The following CDADC1 variants were observed in gnomAD, a reference collection of about 807,000 sequenced individuals.
CDADC1 encodes dCTP deaminase.
In CDADC1, 39 loss-of-function variants were observed where a neutral mutation model predicts 54.9. That is an observed-to-expected ratio of 0.71 (90% CI 0.55 to 0.93). The LOEUF is 0.93. CDADC1 is among the 40% of genes least tolerant of loss of function. The pLI is 0.00. For synonymous variants in CDADC1, 186 were observed against 204.0 expected, an observed-to-expected ratio of 0.91 and a Z score of 0.75; for missense variants, 518 against 618.8, an observed-to-expected ratio of 0.84 and a Z score of 1.73.
chr13:49,271,765 A>G (rs1952970325), intron 5 of CDADC1, among the ~76,000 whole-genome samples: 1 of 152,202 alleles, frequency 6.6e-6, no homozygotes, highest in Non-Finnish European at 1.5e-5. Flanking sequence ...TCAGTGATCA[A>G]AGAGCCCCAG....
intron 8 of CDADC1, among the ~76,000 whole-genome samples, chr13:49,283,247 T>A (rs900278307): frequency 6.6e-6 from 1 of 152,166 alleles, no homozygotes; most frequent in Non-Finnish European, 1.5e-5. Flanking sequence ...GTCTGTCATG[T>A]GTATATGAAG....
chr13:49,268,419 AG>A (rs1459761499), intron 5 of CDADC1, among the ~76,000 whole-genome samples: 5 of 152,136 alleles, frequency 3.3e-5, no homozygotes, highest in African/African-American at 1.2e-4. Context: ...GCAACACTTT[AG>A]AAGGCTGAGA....
At chr13:49,278,241 A>C (rs2274150) in intron 6 of CDADC1, 109 bp from the exon 7 acceptor site, 1 of 752,020 alleles carries the variant, frequency 1.3e-6, no homozygotes, top group African/African-American at 1.8e-5. Context: ...TACTGTAGAA[A>C]ATTGAATGAA....
rs957837467 is a variant in CDADC1 at position 49,267,393 on chromosome 13, G to A, written c.431-97G>A. ...TGGTAATAGACATTTATTATATTGA[G>A]GGTTCTAGATATACTGCAATGATAG... On this transcript the variant is annotated intron_variant, in intron 4 of 9. Coordinates refer to ENST00000251108, the MANE Select transcript of CDADC1 (RefSeq NM_030911.4). 9.1e-6 allele frequency: 9 copies of A among 988,774 alleles called. No individual in the cohort carries two copies. The African/African-American group carries it at 1.2e-4, about 13-fold the overall frequency. 61.3% of individuals were successfully genotyped at this position (988,774 alleles called of 1,614,324 possible).
chr13:49,257,615 A>C (rs1160431517), intron 3 of CDADC1, among the ~76,000 whole-genome samples: 1 of 152,162 alleles, frequency 6.6e-6, no homozygotes, highest in Non-Finnish European at 1.5e-5. Context: ...CTAAAAATGC[A>C]AAAAATTAGC....
chr13:49,288,989 T>G (rs1924657), intron 9 of CDADC1, among the ~76,000 whole-genome samples: 151,844 of 152,234 alleles, frequency 1, 75,730 homozygotes, highest in Middle Eastern at 1. Flanking sequence ...GGATCTGAGA[T>G]CAGGTCTGGG....
chr13:49,256,418 C>A (rs558578140), intron 3 of CDADC1, among the ~76,000 whole-genome samples: 7 of 152,342 alleles, frequency 4.6e-5, no homozygotes, highest in African/African-American at 1.7e-4. Context: ...TGTGTCCAGG[C>A]AGCCATCTGT....
rs531568425 is a variant in CDADC1, at chr13:49,255,859, T to C, written c.198T>C (p.His66=). Residue 66 remains histidine (H), a synonymous_variant, in exon 3 of 10, where the codon CAT becomes CAC. Coordinates refer to ENST00000251108, the MANE Select transcript of CDADC1 (RefSeq NM_030911.4). The part of the protein sequence containing the change: ...QKSQKNEEGK[H]GPLGDNEERT... ...ATTAGAAAAATGAAGAGGGAAAGCA[T>C]GGACCCTTAGGAGATAATGAAGAGA... 18 of 1,611,140 alleles carry C rather than the reference T, an allele frequency of 1.1e-5. No homozygotes were observed. The South Asian group carries it at 2.0e-4, about 18-fold the overall frequency.
chr13:49,277,346 C>T (rs1953175942), intron 6 of CDADC1, among the ~76,000 whole-genome samples: 1 of 151,996 alleles, frequency 6.6e-6, no homozygotes, highest in African/African-American at 2.4e-5. Context: ...TGACATACGC[C>T]TGTGGTCCCA....
At position 49,278,360 on chromosome 13, in the gene CDADC1, A is replaced by T; in HGVS notation, c.1061A>T (p.Asp354Val). The T allele has an allele frequency of 6.4e-7, 1 of 1,551,624 alleles. No individual in the cohort carries two copies. Among genetic ancestry groups the T allele is most frequent in the Non-Finnish European group, 8.8e-7 (1 of 1,136,640 alleles). The change falls in exon 7 of 10, where the codon GAT (aspartate) becomes GTT (valine). Residue 354 changes from aspartate (D) to valine (V), a missense_variant. Asp to Val is a radical substitution (Grantham distance 152, BLOSUM62 -3). Transcript: ENST00000251108. ...TGCTCACTCTCGTAGAGAAGTTGTGATGGAACAGGTGCCATGTACTTTGTA... is the reference window on the plus strand; with the variant it reads ...TGCTCACTCTCGTAGAGAAGTTGTGTTGGAACAGGTGCCATGTACTTTGTA... ...IWAEGKSRSC[D>V]GTGAMYFVGC...
At chr13:49,277,131 C>T (rs140253077) in intron 6 of CDADC1, among the ~76,000 whole-genome samples, 178 of 151,796 alleles carry the variant, frequency 1.2e-3, no homozygotes, top group Non-Finnish European at 1.9e-3. Flanking sequence ...TTAATAGTAT[C>T]ACTCTTTAGG....
intron 4 of CDADC1, among the ~76,000 whole-genome samples, chr13:49,264,555 C>CAA (rs140774111): frequency 0.097 from 10,057 of 103,692 alleles, 719 homozygotes; most frequent in Non-Finnish European, 0.11. Context: ...CCATCTCTAC[C>CAA]AAAAAAAAAA....
At chr13:49,260,806 A>G (rs1281020960) in intron 4 of CDADC1, among the ~76,000 whole-genome samples, 1 of 152,240 alleles carries the variant, frequency 6.6e-6, no homozygotes, top group African/African-American at 2.4e-5. Flanking sequence ...TAACAATTTA[A>G]TATGATGCAT....
chr13:49,274,425 C>A, intron 6 of CDADC1, 85 bp downstream of exon 6: 1 of 1,040,356 alleles, frequency 9.6e-7, no homozygotes, highest in African/African-American at 1.6e-5. Context: ...AGGTTACTGA[C>A]TGCCAAGGCG....
At chr13:49,287,864 C>T (rs967143725) in intron 9 of CDADC1, among the ~76,000 whole-genome samples, 6 of 151,522 alleles carry the variant, frequency 4.0e-5, no homozygotes, top group African/African-American at 1.5e-4. Context: ...CCCAGCTACT[C>T]AGGAGGCTGA....
Position 49,293,325 on chromosome 13 carries a change from T to C in CDADC1, c.*1568T>C, listed in dbSNP as rs1277942004. The C allele has an allele frequency of 6.6e-6, 1 of 152,188 alleles. No homozygotes were observed. The highest frequency in any genetic ancestry group is 1.5e-5 in the Non-Finnish European group (1 of 68,042). The allele number at this position is 152,188 out of a possible 1,614,324, so 9.4% of individuals were successfully genotyped here. On this transcript the variant is annotated 3_prime_UTR_variant, in exon 10 of 10. Transcript: ENST00000251108. Reference sequence around the variant, plus strand: ...GTCTGTGGATTTGCCTGTTGGGTGTTGGGATGGGATATCAGAGGAAGAAGC... The same window carrying C: ...GTCTGTGGATTTGCCTGTTGGGTGTCGGGATGGGATATCAGAGGAAGAAGC...
intron 8 of CDADC1, among the ~76,000 whole-genome samples, chr13:49,281,143 C>T (rs115439940): frequency 0.026 from 4,000 of 152,182 alleles, 168 homozygotes; most frequent in African/African-American, 0.089. Context: ...CGAGTTTCAA[C>T]AAATTATTAT....
intron 8 of CDADC1, among the ~76,000 whole-genome samples, chr13:49,281,217 C>T (rs184886814): frequency 1.3e-5 from 2 of 152,284 alleles, no homozygotes; most frequent in Admixed American, 1.3e-4. Context: ...CTAAGGATTC[C>T]TGCCTTATGA....
chr13:49,257,349 G>T (rs1050331190), intron 3 of CDADC1, among the ~76,000 whole-genome samples: 1 of 151,980 alleles, frequency 6.6e-6, no homozygotes, highest in Admixed American at 6.6e-5. Context: ...ATTTCTGTCT[G>T]TTTAACTAGG....
Sources: allele counts gnomAD v4.1 joint callset (sites outside exome capture counted in the v4.1 genomes callset), GRCh38; gene constraint gnomAD v4.1.1; transcripts MANE v1.5; gene names NCBI Gene and HGNC (gene_info 2026-07-23, HGNC 2026-07-21).